Variants in DST observed in about 807,000 individuals in gnomAD.
The protein encoded by DST is dystonin, also known as bullous pemphigoid antigen.
In DST, 253 loss-of-function variants were observed where a neutral mutation model predicts 875.2. The ratio of observed to expected loss-of-function variants is 0.29; its 90% CI spans 0.26 to 0.32. The LOEUF is 0.32. DST is among the 10% of genes least tolerant of loss of function. The pLI, the probability that DST is intolerant of heterozygous loss-of-function variation, is 1.00. For synonymous variants in DST, 3,124 were observed against 3,197.1 expected (o/e 0.98, Z 0.77); for missense variants, 8,287 against 9,111.6 (o/e 0.91, Z 3.68).
Position 56,592,226 on chromosome 6 carries a change from C to T in DST, c.12859G>A (p.Ala4287Thr). ...TASKHLSEPI[A>T]VDPKNLQRQL... Reference sequence around the variant, plus strand: ...CTTTGAAGATTTTTGGGGTCCACCGCAATAGGTTCAGATAAGTGTTTGCTC... The same window carrying T: ...CTTTGAAGATTTTTGGGGTCCACCGTAATAGGTTCAGATAAGTGTTTGCTC... The change falls in exon 49 of 104, where the codon GCG (alanine) becomes ACG (threonine). Residue 4287 changes from alanine (A) to threonine (T), a missense_variant. Transcript: ENST00000680361. 6.2e-7 allele frequency: 1 copy of T among 1,613,594 alleles called. No homozygotes were observed. The highest frequency in any genetic ancestry group is 8.5e-7 in the Non-Finnish European group (1 of 1,179,756).
chr6:56,836,889 G>GA (rs1020686565), intron 4 of DST, among the ~76,000 whole-genome samples: 1 of 144,138 alleles, frequency 6.9e-6, no homozygotes, highest in African/African-American at 2.5e-5. Context: ...AATAAACAAA[G>GA]AAAAAATTAA....
At chr6:56,652,105 C>T (rs77584086) in intron 10 of DST, among the ~76,000 whole-genome samples, 16,533 of 152,064 alleles carry the variant, frequency 0.11, 1,871 homozygotes, top group African/African-American at 0.29. Context: ...GCATGTGCCC[C>T]CCTACACACA....
intron 4 of DST, among the ~76,000 whole-genome samples, chr6:56,787,507 C>A (rs1333728109): frequency 2.0e-5 from 3 of 152,182 alleles, no homozygotes; most frequent in African/African-American, 7.2e-5. Flanking sequence ...GGCTGAAGTA[C>A]TTCAACAGCT....
chr6:56,649,753 T>C lies in DST; in HGVS notation c.1435-1064A>G, dbSNP rs116323019. On this transcript the variant is annotated intron_variant, in intron 12 of 103. Transcript: ENST00000680361. The stretch of plus-strand genomic sequence containing the variant: ...AGTTTTAAATGTCAGAATATCTAGA[T>C]TGCATTTAACTTTGCAAGGAATATG... 7.9e-3 allele frequency among the ~76,000 whole-genome samples: 1,204 copies of C among 152,306 alleles called. 13 individuals are homozygous for C. The highest frequency in any genetic ancestry group is 0.028 in the African/African-American group (1,158 of 41,564).
chr6:56,773,096 T>G (rs533628126), intron 4 of DST, among the ~76,000 whole-genome samples: 1 of 152,126 alleles, frequency 6.6e-6, no homozygotes, highest in African/African-American at 2.4e-5. Context: ...AGCTGAGCCT[T>G]GAGATGACTA....
At chr6:56,692,267 C>T in intron 9 of DST, 1 of 479,050 alleles carries the variant, frequency 2.1e-6, no homozygotes, top group Non-Finnish European at 3.3e-6. Context: ...GCAACAGAAA[C>T]TCTATGGCTT....
Position 56,628,305 on chromosome 6 carries a change from C to T in DST, c.4476-144G>A, listed in dbSNP as rs2098750782. On this transcript the variant is annotated intron_variant, in intron 32 of 103. Transcript: ENST00000680361. Reference sequence around the variant, plus strand: ...ATGTATAAAGAACTCAAGGCTGCAGCACCCTGAGGCACACCCCCAAGGGCA... The same window carrying T: ...ATGTATAAAGAACTCAAGGCTGCAGTACCCTGAGGCACACCCCCAAGGGCA... The T allele has an allele frequency of 2.6e-5, 18 of 684,574 alleles. No homozygotes were observed. The South Asian group carries it at 3.1e-4, about 12-fold the overall frequency. The allele number at this position is 684,574 out of a possible 1,614,324, so 42.4% of individuals were successfully genotyped here.
Position 56,578,821 on chromosome 6 carries a change from T to A in DST, c.13020A>T (p.Lys4340Asn). The A allele has an allele frequency of 6.2e-7, 1 of 1,612,162 alleles. No homozygotes were observed. Among genetic ancestry groups the A allele is most frequent in the South Asian group, 1.1e-5 (1 of 90,550 alleles). ...AGGACATGAATATCTTACCAAGTGT[T>A]TTCTGGATATCATTCTTGGCTGGAA... is the stretch of plus-strand genomic sequence containing the variant. The part of the protein sequence containing the change: ...SLLPAKNDIQ[K>N]TLDDIVGRYE... The change falls in exon 50 of 104, where the codon AAA (lysine) becomes AAT (asparagine). Residue 4340 changes from lysine (K) to asparagine (N), a missense_variant. Lys to Asn is a moderately conservative substitution (Grantham distance 94). Transcript: ENST00000680361.
chr6:56,642,006 T>G lies in DST; in HGVS notation c.1968A>C (p.Val656=), dbSNP rs2098910768. ...LECENLLRQH[V]IDVQILIDGK... ...CATCAATAAGAATCTGTACATCAAT[T>G]ACATGCTGGCGTAAAAGGTTCTCAC... Residue 656 remains valine, a synonymous_variant, in exon 17 of 104, where the codon GTA becomes GTC. Coordinates refer to ENST00000680361, the MANE Select transcript of DST (RefSeq NM_001374736.1). 6.2e-7 allele frequency: 1 copy of G among 1,613,334 alleles called. No individual in the cohort carries two copies. Among genetic ancestry groups the G allele is most frequent in the Admixed American group, 1.7e-5 (1 of 59,974 alleles).
At chr6:56,600,643 TG>T in intron 44 of DST, among the ~76,000 whole-genome samples, 1 of 152,084 alleles carries the variant, frequency 6.6e-6, no homozygotes, top group East Asian at 1.9e-4. Flanking sequence ...AGACAATGTC[TG>T]GTGCTTCAAG....
rs182268152 is a variant in DST at position 56,805,107 on chromosome 6, C to G, written c.625+46290G>C. ...TGTAAAACAAGGTCTAAACAACTGA[C>G]AGAGTTCTCAAGCTAAGTTGATAAA... On this transcript the variant is annotated intron_variant, in intron 4 of 103. Transcript: ENST00000680361. Among the ~76,000 whole-genome samples the G allele has an allele frequency of 2.0e-3, 299 of 152,148 alleles. 3 individuals carry two copies. The highest frequency in any genetic ancestry group is 7.6e-4 in the Non-Finnish European group (52 of 67,986).
At chr6:56,949,314 T>C (rs904279930) in intron 2 of DST, among the ~76,000 whole-genome samples, 3 of 152,242 alleles carry the variant, frequency 2.0e-5, no homozygotes, top group Non-Finnish European at 2.9e-5. Context: ...GTTAATTATA[T>C]GGTAGTGTTG....
At chr6:56,493,739 G>A (rs1290117077) in intron 83 of DST, among the ~76,000 whole-genome samples, 1 of 151,838 alleles carries the variant, frequency 6.6e-6, no homozygotes, top group African/African-American at 2.4e-5. Flanking sequence ...CAGAATTTGA[G>A]TAGTTCTTAA....
intron 5 of DST, among the ~76,000 whole-genome samples, chr6:56,718,647 C>CA (rs2099403488): frequency 1.3e-5 from 2 of 152,012 alleles, no homozygotes; most frequent in Non-Finnish European, 2.9e-5. Context: ...CAAAAAGTGG[C>CA]AAAAAACCCA....
At chr6:56,632,620 G>A (rs555409510) in intron 28 of DST, among the ~76,000 whole-genome samples, 134 of 152,292 alleles carry the variant, frequency 8.8e-4, no homozygotes, top group African/African-American at 3.2e-3. Context: ...GTAAGAATTC[G>A]TTGTTTGTCC....
chr6:56,604,263 G>C lies in DST; in HGVS notation c.10365C>G (p.Ser3455Arg). ...LLNILKQDQH[S>R]QKITGVFELM... The stretch of plus-strand genomic sequence containing the variant: ...ATTCAAATACTCCTGTAATTTTTTG[G>C]CTATGTTGATCTTGCTTCAATATAT... The change falls in exon 40 of 104, where the codon AGC becomes AGG. Residue 3455 changes from serine (S) to arginine (R), a missense_variant. By Grantham distance (110) the Ser-to-Arg change is moderately radical (BLOSUM62 -1). Around this residue, in one of 10 missense-constraint regions of DST, gnomAD observed 3,138 missense variants for 3,116.6 expected, o/e 1.01. Transcript: ENST00000680361. 1 of 1,611,240 alleles carries C rather than the reference G, an allele frequency of 6.2e-7. No homozygotes were observed. Among genetic ancestry groups the C allele is most frequent in the Non-Finnish European group, 8.5e-7 (1 of 1,178,588 alleles).
intron 9 of DST, among the ~76,000 whole-genome samples, chr6:56,699,023 G>A (rs967778274): frequency 2.5e-4 from 38 of 152,100 alleles, no homozygotes. Flanking sequence ...GTAAACTAAA[G>A]CAAGTTCTAA....
rs1023005356 is a variant in DST at position 56,458,699 on chromosome 6, A to G, written c.*306T>C. On this transcript the variant is annotated 3_prime_UTR_variant, in exon 104 of 104. Transcript: ENST00000680361. ...GGATTGATGTAGTGCTGTGGCTGTC[A>G]GAGAGGATGTAGACTTACCTGTAGG... 9.7e-6 allele frequency: 2 copies of G among 205,996 alleles called. No homozygotes were observed. Among genetic ancestry groups the G allele is most frequent in the Admixed American group, 5.7e-5 (1 of 17,618 alleles). The allele number at this position is 205,996 out of a possible 1,614,324, so 12.8% of individuals were successfully genotyped here.
chr6:56,542,427 T>TAA (rs2097143941), intron 61 of DST: 2 of 85,448 alleles, frequency 2.3e-5, no homozygotes, highest in African/African-American at 1.6e-4. Flanking sequence ...CTAAGCTTCT[T>TAA]TAAAAAAAAA....
Sources: gnomAD v4.1 joint callset for allele counts (sites outside exome capture counted in the v4.1 genomes callset) on GRCh38, gnomAD v4.1.1 for gene constraint, gnomAD v4.1.1 regional missense constraint, MANE v1.5 for transcripts, NCBI Gene and HGNC (gene_info 2026-07-23, HGNC 2026-07-21) for gene names.